SLC71A1: variants seen among roughly 807,000 people sequenced by gnomAD.
The protein encoded by SLC71A1 is hippocampus abundant gene transcript 1.
At chr1:100,073,858 T>C in the SLC71A1 span, among the ~76,000 whole-genome samples, 2 of 152,228 alleles carry the variant, frequency 1.3e-5, no homozygotes, top group Non-Finnish European at 2.9e-5. Flanking sequence ...AGTGCTGTCA[T>C]CTTCAAAATG....
the SLC71A1 span, chr1:100,083,073 T>TTTA: frequency 6.6e-6 from 1 of 152,570 alleles, no homozygotes; most frequent in Non-Finnish European, 1.5e-5. Flanking sequence ...ACAGTAACAC[T>TTTA]TTATTTACAG....
chr1:100,038,241 G>C, the SLC71A1 span: 2 of 1,558,144 alleles, frequency 1.3e-6, no homozygotes, highest in Non-Finnish European at 1.7e-6. Flanking sequence ...AAATGACCCA[G>C]GGGAAGAAGA....
At chr1:100,067,949 ATC>A in the SLC71A1 span, 6 of 1,595,268 alleles carry the variant, frequency 3.8e-6, no homozygotes, top group Non-Finnish European at 4.3e-6. Flanking sequence ...AGCCTGACTA[ATC>A]TCTGTCTATC....
the SLC71A1 span, chr1:100,060,143 A>G: frequency 1.3e-6 from 1 of 774,648 alleles, no homozygotes; most frequent in East Asian, 2.8e-5. Flanking sequence ...ATTCTTTCAC[A>G]CAGATAAGAA....
the SLC71A1 span, chr1:100,082,784 G>T: frequency 1.3e-5 from 2 of 152,358 alleles, no homozygotes; most frequent in African/African-American, 4.8e-5. Flanking sequence ...CTTGTTTGCA[G>T]TACTTTTAAA....
chr1:100,078,383 T>C, the SLC71A1 span: 1 of 986,170 alleles, frequency 1.0e-6, no homozygotes, highest in Non-Finnish European at 1.6e-6. Context: ...ATTACTTAAT[T>C]ATGTAGTTTG....
chr1:100,082,037 G>C, the SLC71A1 span: 1 of 1,613,278 alleles, frequency 6.2e-7, no homozygotes, highest in Admixed American at 1.7e-5. Context: ...TTCCTATTTG[G>C]AGCCTGTTCA....
the SLC71A1 span, chr1:100,038,376 G>C: frequency 7.3e-7 from 1 of 1,364,848 alleles, no homozygotes; most frequent in Non-Finnish European, 1.0e-6. Flanking sequence ...CTCTCCTTCA[G>C]ACCCCCACAC....
the SLC71A1 span, among the ~76,000 whole-genome samples, chr1:100,080,834 G>A: frequency 6.6e-6 from 1 of 152,170 alleles, no homozygotes; most frequent in African/African-American, 2.4e-5. Flanking sequence ...AAAATTGGCT[G>A]TGCATATTTT....
At chr1:100,060,750 A>AT in the SLC71A1 span, among the ~76,000 whole-genome samples, 2,484 of 146,014 alleles carry the variant, frequency 0.017, 60 homozygotes, top group East Asian at 0.059. Context: ...TAAAATCAGT[A>AT]TTTTTTTTTT....
chr1:100,072,507 A>AT, the SLC71A1 span, among the ~76,000 whole-genome samples: 1 of 151,794 alleles, frequency 6.6e-6, no homozygotes, highest in African/African-American at 2.4e-5. Flanking sequence ...TATCATATTC[A>AT]TTTTTGTCAC....
chr1:100,061,145 CATTATG>C, the SLC71A1 span, among the ~76,000 whole-genome samples: 2 of 152,006 alleles, frequency 1.3e-5, no homozygotes, highest in Non-Finnish European at 2.9e-5. Flanking sequence ...TTTGAAAGCT[CATTATG>C]ATTATATGTG....
the SLC71A1 span, among the ~76,000 whole-genome samples, chr1:100,044,728 G>C: frequency 6.6e-6 from 1 of 152,200 alleles, no homozygotes; most frequent in South Asian, 2.1e-4. Flanking sequence ...ATGTTGGCCA[G>C]GCTGGACTCA....
At chr1:100,074,898 AAAAG>A in the SLC71A1 span, among the ~76,000 whole-genome samples, 1 of 152,188 alleles carries the variant, frequency 6.6e-6, no homozygotes, top group Admixed American at 6.5e-5. Flanking sequence ...ACCCAAAAGA[AAAAG>A]AAAATATATT....
the SLC71A1 span, chr1:100,082,452 T>C: frequency 3.9e-6 from 2 of 506,608 alleles, no homozygotes; most frequent in Admixed American, 3.4e-5. Flanking sequence ...ACTAAGCTAT[T>C]TGTTTTATTA....
chr1:100,046,110 C>G, the SLC71A1 span, among the ~76,000 whole-genome samples: 2 of 146,160 alleles, frequency 1.4e-5, no homozygotes, highest in East Asian at 4.1e-4. Context: ...CTATTGTGCT[C>G]TATTGTCTAT....
At chr1:100,069,489 T>C in the SLC71A1 span, 1 of 621,714 alleles carries the variant, frequency 1.6e-6, no homozygotes, top group East Asian at 2.7e-5. Flanking sequence ...AATTCTTTGT[T>C]TATAAATGAA....
the SLC71A1 span, among the ~76,000 whole-genome samples, chr1:100,062,875 CGACCAGCCT>C: frequency 7.2e-6 from 1 of 138,288 alleles, no homozygotes; most frequent in African/African-American, 2.7e-5. Context: ...CAGGAGTTCA[CGACCAGCCT>C]GGCCAACATG....
the SLC71A1 span, among the ~76,000 whole-genome samples, chr1:100,072,576 A>G: frequency 2.0e-5 from 3 of 147,044 alleles, no homozygotes; most frequent in Non-Finnish European, 4.5e-5. Flanking sequence ...TTTTTCCATA[A>G]TGTTAAAAAA....
Sources: gnomAD v4.1 joint callset for allele counts (sites outside exome capture counted in the v4.1 genomes callset) on GRCh38, gnomAD v4.1.1 for gene constraint, MANE v1.5 for transcripts, NCBI Gene and HGNC (gene_info 2026-07-23, HGNC 2026-07-21) for gene names.